CSMD1: variants seen among roughly 807,000 people sequenced by gnomAD.
CSMD1 encodes the protein CUB and sushi domain-containing protein 1.
In CSMD1, 213 loss-of-function variants were observed where a neutral mutation model predicts 417.5. That is an observed-to-expected ratio of 0.51 (90% CI 0.46 to 0.57). The LOEUF is 0.57. CSMD1 is among the 20% of genes least tolerant of loss of function. The probability of loss-of-function intolerance (pLI) is 0.00; values close to 1 mark genes in which losing one functional copy is unlikely to be tolerated. For missense variants in CSMD1, 6,923 were observed against 4,529.7 expected, an observed-to-expected ratio of 1.53 and a Z score of -15.17; for synonymous variants, 2,862 against 1,736.8, an observed-to-expected ratio of 1.65 and a Z score of -16.11.
At chr8:3,138,526 C>A (rs1459747087) in intron 41 of CSMD1, among the ~76,000 whole-genome samples, 1 of 152,188 alleles carries the variant, frequency 6.6e-6, no homozygotes, top group South Asian at 2.1e-4. Context: ...GACCAGCACA[C>A]AAGAAGAAGC....
At chr8:4,763,069 G>T (rs542766992) in intron 1 of CSMD1, among the ~76,000 whole-genome samples, 2 of 152,160 alleles carry the variant, frequency 1.3e-5, no homozygotes, top group African/African-American at 4.8e-5. Flanking sequence ...GTAACATCCA[G>T]TGTCAAAAAT....
chr8:4,678,346 G>C (rs751613542), intron 1 of CSMD1, among the ~76,000 whole-genome samples: 5 of 152,136 alleles, frequency 3.3e-5, no homozygotes, highest in Non-Finnish European at 7.3e-5. Context: ...AAGAGGTGGA[G>C]GTTGCAGTGA....
chr8:4,212,755 T>A (rs1393113024), intron 3 of CSMD1, among the ~76,000 whole-genome samples: 1 of 29,936 alleles, frequency 3.3e-5, no homozygotes, highest in Non-Finnish European at 1.2e-4. Context: ...CTTATTCTTT[T>A]TTTTTTTTTT....
At chr8:4,014,429 T>G (rs1010828504) in intron 4 of CSMD1, among the ~76,000 whole-genome samples, 1 of 152,174 alleles carries the variant, frequency 6.6e-6, no homozygotes, top group Non-Finnish European at 1.5e-5. Context: ...CAGGAGAATA[T>G]AAATGTTCTC....
rs567476467 is a variant in CSMD1, at chr8:3,145,147, G to A, written c.6032-2473C>T. On this transcript the variant is annotated intron_variant, in intron 40 of 69. Transcript: ENST00000635120. ...TCCATGTGCTCCACAGAGTTTTATA[G>A]ACATTGCTCACATTAATCCCAATCA... Among the ~76,000 whole-genome samples the A allele has an allele frequency of 3.3e-5, 5 of 152,156 alleles. No individual in the cohort carries two copies. The East Asian group carries it at 7.7e-4, about 24-fold the overall frequency.
chr8:4,659,127 G>A lies in CSMD1; in HGVS notation c.86-21569C>T, dbSNP rs151088973. Among the ~76,000 whole-genome samples the A allele has an allele frequency of 3.1e-3, 466 of 152,102 alleles. 3 individuals carry two copies. The highest frequency in any genetic ancestry group is 4.9e-3 in the Non-Finnish European group (336 of 67,972). Reference sequence around the variant, plus strand: ...ATTAAAAATGTAAGTACAAAAATGGGTCAAAGAAGAAATTCCATGAGAAAA... The same window carrying A: ...ATTAAAAATGTAAGTACAAAAATGGATCAAAGAAGAAATTCCATGAGAAAA... On this transcript the variant is annotated intron_variant, in intron 1 of 69. Transcript: ENST00000635120.
intron 12 of CSMD1, among the ~76,000 whole-genome samples, chr8:3,467,512 A>G (rs190543205): frequency 6.6e-6 from 1 of 152,352 alleles, no homozygotes; most frequent in Non-Finnish European, 1.5e-5. Flanking sequence ...TTCTAGTTTT[A>G]GTCATTGAAA....
At chr8:3,174,046 T>C (rs1820750982) in intron 37 of CSMD1, among the ~76,000 whole-genome samples, 2 of 152,184 alleles carry the variant, frequency 1.3e-5, no homozygotes, top group Non-Finnish European at 2.9e-5. Flanking sequence ...AGCTCATACA[T>C]CAGTGAAAAC....
chr8:3,098,143 C>G (rs1815460682), intron 46 of CSMD1, among the ~76,000 whole-genome samples: 1 of 152,022 alleles, frequency 6.6e-6, no homozygotes, highest in Admixed American at 6.6e-5. Flanking sequence ...TTTTCTATTA[C>G]TGGTAATGGT....
At chr8:4,696,158 T>C (rs992168966) in intron 1 of CSMD1, among the ~76,000 whole-genome samples, 1 of 152,224 alleles carries the variant, frequency 6.6e-6, no homozygotes, top group African/African-American at 2.4e-5. Context: ...ATGAAAATCA[T>C]TCAATAAATG....
intron 2 of CSMD1, among the ~76,000 whole-genome samples, chr8:4,578,753 G>A (rs1799264904): frequency 6.8e-6 from 1 of 147,650 alleles, no homozygotes; most frequent in African/African-American, 2.5e-5. Context: ...GGGGGAGGTT[G>A]CAGTGAGCTG....
intron 5 of CSMD1, among the ~76,000 whole-genome samples, chr8:3,977,363 C>T (rs1042559084): frequency 4.6e-5 from 7 of 152,160 alleles, no homozygotes; most frequent in African/African-American, 1.7e-4. Context: ...AAGTAGAAGG[C>T]ACTCAATACA....
intron 49 of CSMD1, among the ~76,000 whole-genome samples, chr8:3,060,208 T>C (rs1054141223): frequency 6.6e-6 from 1 of 151,432 alleles, no homozygotes; most frequent in Admixed American, 6.6e-5. Context: ...TGCAGTGGTG[T>C]GATCTCAGCT....
Position 4,005,605 on chromosome 8 carries a change from G to T in CSMD1, c.611-7495C>A, listed in dbSNP as rs149789739. 5.1e-3 allele frequency among the ~76,000 whole-genome samples: 773 copies of T among 152,318 alleles called. 6 individuals are homozygous for T. Among genetic ancestry groups the T allele is most frequent in the South Asian group, 8.5e-3 (41 of 4,824 alleles). On this transcript the variant is annotated intron_variant, in intron 4 of 69. Coordinates refer to ENST00000635120, the MANE Select transcript of CSMD1 (RefSeq NM_033225.6). The stretch of plus-strand genomic sequence containing the variant: ...TCCACATGGTATTATAAGGTTTGCA[G>T]TCATAAATTCACTCTCAATTGAGAG...
At chr8:4,847,529 G>A (rs1801210463) in intron 1 of CSMD1, among the ~76,000 whole-genome samples, 1 of 151,984 alleles carries the variant, frequency 6.6e-6, no homozygotes, top group African/African-American at 2.4e-5. Context: ...ACTTGTCATG[G>A]TTAGTGGGCC....
intron 4 of CSMD1, among the ~76,000 whole-genome samples, chr8:3,999,894 G>A (rs903351283): frequency 1.1e-4 from 17 of 152,204 alleles, no homozygotes; most frequent in African/African-American, 4.1e-4. Flanking sequence ...ATGTTTTGTA[G>A]GACATCTCAG....
At chr8:4,881,795 G>A (rs1381990322) in intron 1 of CSMD1, among the ~76,000 whole-genome samples, 3 of 151,936 alleles carry the variant, frequency 2.0e-5, no homozygotes, top group East Asian at 1.9e-4. Context: ...CAAACTGCAT[G>A]GAATAAGATG....
At chr8:4,612,070 G>C (rs1404506757) in intron 2 of CSMD1, among the ~76,000 whole-genome samples, 1 of 152,116 alleles carries the variant, frequency 6.6e-6, no homozygotes, top group African/African-American at 2.4e-5. Flanking sequence ...TAGGAGGTGA[G>C]GATAGAAGAG....
At chr8:4,970,626 G>A (rs369784324) in intron 1 of CSMD1, among the ~76,000 whole-genome samples, 1 of 152,090 alleles carries the variant, frequency 6.6e-6, no homozygotes, top group Non-Finnish European at 1.5e-5. Flanking sequence ...ATGATAGGAA[G>A]CTTGTGTGAC....
Sources: allele counts gnomAD v4.1 joint callset (sites outside exome capture counted in the v4.1 genomes callset), GRCh38; gene constraint gnomAD v4.1.1; transcripts MANE v1.5; gene names NCBI Gene and HGNC (gene_info 2026-07-23, HGNC 2026-07-21).